The following ARRDC5 variants were observed in gnomAD, a reference collection of about 807,000 sequenced individuals.
ARRDC5 encodes the protein arrestin domain-containing protein 5.
Under a neutral mutation model 13.3 loss-of-function variants are expected in ARRDC5, and 12 were observed. The observed-to-expected ratio is 0.90, with a 90% confidence interval of 0.58 to 1.46. The LOEUF is 1.46. ARRDC5 is among the 40% of genes most tolerant of loss of function. ARRDC5 has a pLI of 0.00. For missense variants in ARRDC5, 406 were observed against 418.7 expected, an observed-to-expected ratio of 0.97 and a Z score of 0.26; for synonymous variants, 181 against 173.4, an observed-to-expected ratio of 1.04 and a Z score of -0.34.
the ARRDC5 span, among the ~76,000 whole-genome samples, chr19:4,908,003 C>T: frequency 0.16 from 23,648 of 152,078 alleles, 3,911 homozygotes; most frequent in African/African-American, 0.42. Flanking sequence ...TGAGCCAACG[C>T]GCCCGGCCCT....
chr19:4,913,252 C>T, the ARRDC5 span, among the ~76,000 whole-genome samples: 45 of 111,176 alleles, frequency 4.0e-4, no homozygotes, highest in African/African-American at 8.6e-4. Context: ...GTACATTGTG[C>T]TTTTTTTTTT....
At chr19:4,908,010 C>G in the ARRDC5 span, among the ~76,000 whole-genome samples, 1 of 152,204 alleles carries the variant, frequency 6.6e-6, no homozygotes, top group African/African-American at 2.4e-5. Flanking sequence ...ACGCGCCCGG[C>G]CCTTGGCCTG....
intron 2 of ARRDC5, among the ~76,000 whole-genome samples, chr19:4,896,122 C>G (rs2031700005): frequency 6.6e-6 from 1 of 151,996 alleles, no homozygotes; most frequent in Non-Finnish European, 1.5e-5. Context: ...TGAGACCAGC[C>G]TTGCCAACAT....
In ARRDC5 at chr19:4,902,691, C is replaced by T. The variant is rs1324610939; in HGVS notation, c.135G>A (p.Val45=). 30 of 1,614,012 alleles carry T rather than the reference C, an allele frequency of 1.9e-5. No individual in the cohort carries two copies. Among genetic ancestry groups the T allele is most frequent in the Non-Finnish European group, 2.5e-5 (30 of 1,179,904 alleles). ...CACTCCATTCGACGTAACCCCTTCCCACGAGCTCCACCTTCACTATGGGGT... is the reference window on the plus strand; with the variant it reads ...CACTCCATTCGACGTAACCCCTTCCTACGAGCTCCACCTTCACTATGGGGT... ...LVDPIVKVEL[V]GRGYVEWSEE... Residue 45 remains valine (V), a synonymous_variant, in exon 1 of 3, where the codon GTG becomes GTA. Transcript: ENST00000650722.
upstream of ARRDC5, among the ~76,000 whole-genome samples, chr19:4,905,916 G>A (rs2032056281): frequency 1.3e-5 from 2 of 152,166 alleles, no homozygotes; most frequent in South Asian, 2.1e-4. Context: ...TGACTTGTGA[G>A]CTTTTTTTCT....
At chr19:4,915,972 A>T in the ARRDC5 span, among the ~76,000 whole-genome samples, 1 of 152,162 alleles carries the variant, frequency 6.6e-6, no homozygotes, top group Non-Finnish European at 1.5e-5. Context: ...CAATAGCCCC[A>T]GGAGCCTGTG....
the ARRDC5 span, among the ~76,000 whole-genome samples, chr19:4,912,100 G>T: frequency 2.0e-5 from 3 of 152,250 alleles, no homozygotes; most frequent in South Asian, 6.2e-4. Flanking sequence ...ACCTTCATTA[G>T]CCCTCTTCCC....
At chr19:4,910,641 T>G in the ARRDC5 span, 1 of 400,434 alleles carries the variant, frequency 2.5e-6, no homozygotes, top group Non-Finnish European at 4.4e-6. Context: ...ATTCCCTCTT[T>G]TCATTCTCCT....
intron 1 of ARRDC5, among the ~76,000 whole-genome samples, chr19:4,901,796 C>G (rs550285267): frequency 5.9e-5 from 9 of 152,228 alleles, no homozygotes; most frequent in Non-Finnish European, 1.0e-4. Context: ...TCAGCAGACT[C>G]TCTGACATTT....
intron 2 of ARRDC5, among the ~76,000 whole-genome samples, chr19:4,894,700 AAGAAGG>A (rs71170875): frequency 0.074 from 10,685 of 144,048 alleles, 486 homozygotes; most frequent in Admixed American, 0.16. Flanking sequence ...AAAAAAGAAG[AAGAAGG>A]AGAAGGAGAA....
At chr19:4,909,176 G>A in the ARRDC5 span, 3 of 383,666 alleles carry the variant, frequency 7.8e-6, no homozygotes, top group Middle Eastern at 7.1e-4. Flanking sequence ...GCGAGTGGGG[G>A]GCTGCGAACG....
Position 4,891,253 on chromosome 19 carries a change from C to T in ARRDC5, c.780G>A (p.Pro260=), listed in dbSNP as rs200331538. The T allele has an allele frequency of 3.2e-4, 517 of 1,613,902 alleles. No individual in the cohort carries two copies. The highest frequency in any genetic ancestry group is 7.7e-4 in the Admixed American group (46 of 59,998). Residue 260 remains proline, a synonymous_variant, in exon 3 of 3, where the codon CCG becomes CCA. Transcript: ENST00000650722. ...TTKVVSTFNL[P]LLLSVSSSTQ... The stretch of plus-strand genomic sequence containing the variant: ...TGCTGCTGCTCACGGACAGCAGCAA[C>T]GGCAGGTTGAAGGTGCTGACAACCT...
chr19:4,909,413 G>C, the ARRDC5 span: 8 of 651,216 alleles, frequency 1.2e-5, no homozygotes, highest in African/African-American at 3.8e-5. Context: ...CCACTGCGTC[G>C]GCCAATCAGG....
intron 1 of ARRDC5, among the ~76,000 whole-genome samples, chr19:4,902,030 G>A (rs2031935580): frequency 6.6e-6 from 1 of 152,110 alleles, no homozygotes; most frequent in African/African-American, 2.4e-5. Flanking sequence ...GAGATTACAG[G>A]CACGTGCCAG....
At position 4,891,256 on chromosome 19, in the gene ARRDC5, C is replaced by T. The variant is rs2031494203; in HGVS notation, c.777G>A (p.Leu259=). ...TGCTGCTCACGGACAGCAGCAACGG[C>T]AGGTTGAAGGTGCTGACAACCTTGG... is the stretch of plus-strand genomic sequence containing the variant. ...NTTKVVSTFN[L]PLLLSVSSST... Residue 259 remains leucine, a synonymous_variant, in exon 3 of 3, where the codon CTG becomes CTA. Transcript: ENST00000650722. The T allele has an allele frequency of 1.9e-6, 3 of 1,613,880 alleles. No individual in the cohort carries two copies. The highest frequency in any genetic ancestry group is 2.5e-6 in the Non-Finnish European group (3 of 1,179,872).
In ARRDC5 at chr19:4,891,343, C is replaced by A; in HGVS notation, c.690G>T (p.Arg230=). The A allele has an allele frequency of 6.2e-7, 1 of 1,613,810 alleles. No individual in the cohort carries two copies. Among genetic ancestry groups the A allele is most frequent in the African/African-American group, 1.3e-5 (1 of 75,050 alleles). The change falls in exon 3 of 3, where the codon CGG becomes CGT. Residue 230 remains arginine, a synonymous_variant. Coordinates refer to ENST00000650722, the MANE Select transcript of ARRDC5 (RefSeq NM_001080523.3). ...GFTPSAERRS[R]LDSSELLRQE... ...GCCTCAGAAGCTCGCTGCTGTCCAG[C>A]CGAGACCGCCGCTCTGCACTGGGCG...
At chr19:4,893,264 G>A (rs1197087051) in intron 2 of ARRDC5, among the ~76,000 whole-genome samples, 1 of 143,828 alleles carries the variant, frequency 7.0e-6, no homozygotes, top group African/African-American at 2.6e-5. Context: ...CCAGCACTTT[G>A]GGGGGCCGAG....
At chr19:4,905,552 T>C (rs547906879), upstream of ARRDC5, among the ~76,000 whole-genome samples, 20 of 150,732 alleles carry the variant, frequency 1.3e-4, no homozygotes, top group African/African-American at 4.9e-4. Context: ...AGTTTTGCTC[T>C]TGTTGCCCAG....
At chr19:4,900,595 C>G (rs2031883577) in intron 1 of ARRDC5, among the ~76,000 whole-genome samples, 1 of 152,164 alleles carries the variant, frequency 6.6e-6, no homozygotes, top group Admixed American at 6.5e-5. Flanking sequence ...GTATTAGTGT[C>G]TGGTAAGTTG....
Sources: gnomAD v4.1 joint callset for allele counts (sites outside exome capture counted in the v4.1 genomes callset) on GRCh38, gnomAD v4.1.1 for gene constraint, MANE v1.5 for transcripts, NCBI Gene and HGNC (gene_info 2026-07-23, HGNC 2026-07-21) for gene names.